ASXL1: variants seen among roughly 807,000 people sequenced by gnomAD.
The protein encoded by ASXL1 is ASXL transcriptional regulator 1.
A neutral mutation model predicts 89.1 loss-of-function variants in ASXL1; 65 were observed. The ratio of observed to expected loss-of-function variants is 0.73; its 90% CI spans 0.60 to 0.90. The LOEUF (loss-of-function observed/expected upper bound fraction) is 0.90, where lower values mean the gene tolerates loss of function less well. ASXL1 is among the 40% of genes least tolerant of loss of function. The probability of loss-of-function intolerance (pLI) is 0.00; values close to 1 mark genes in which losing one functional copy is unlikely to be tolerated. For synonymous variants in ASXL1, 739 were observed against 746.9 expected, an observed-to-expected ratio of 0.99 and a Z score of 0.17; for missense variants, 1,786 against 1,942.9, an observed-to-expected ratio of 0.92 and a Z score of 1.52.
At chr20:32,411,215 CTTTTTTTTTTTTTTTTTT>C (rs71187118) in intron 4 of ASXL1, among the ~76,000 whole-genome samples, 1 of 53,394 alleles carries the variant, frequency 1.9e-5, no homozygotes, top group African/African-American at 7.8e-5. Flanking sequence ...TTTATGGATT[CTTTTTTTTTTTTTTTTTT>C]TTTTTTTTGA....
At chr20:32,425,503 A>G (rs1172546409) in intron 4 of ASXL1, among the ~76,000 whole-genome samples, 1 of 152,154 alleles carries the variant, frequency 6.6e-6, no homozygotes, top group Non-Finnish European at 1.5e-5. Context: ...ATATTGTCAA[A>G]CTTTAATTGT....
chr20:32,424,703 G>A (rs1257412030), intron 4 of ASXL1, among the ~76,000 whole-genome samples: 5 of 152,070 alleles, frequency 3.3e-5, no homozygotes, highest in South Asian at 4.1e-4. Context: ...GTGTATCATC[G>A]TTTCTCTTGT....
chr20:32,430,389 C>T (rs568683302), intron 8 of ASXL1: 1 of 294,656 alleles, frequency 3.4e-6, no homozygotes, highest in East Asian at 5.3e-5. Flanking sequence ...CCCCTTTTCT[C>T]TCTTCGGTAG....
Position 32,410,598 on chromosome 20 carries a change from C to G in ASXL1, c.253-17530C>G, listed in dbSNP as rs116556704. Reference sequence around the variant, plus strand: ...TGTAATTTTTTGGACTGCTGTTGACCACAGGTTATTTAAACTGTGGAAGGT... The same window carrying G: ...TGTAATTTTTTGGACTGCTGTTGACGACAGGTTATTTAAACTGTGGAAGGT... On this transcript the variant is annotated intron_variant, in intron 4 of 12. Coordinates refer to ENST00000375687, the MANE Select transcript of ASXL1 (RefSeq NM_015338.6). Among the ~76,000 whole-genome samples, 1,460 of 152,220 alleles carry G rather than the reference C, an allele frequency of 9.6e-3. 30 individuals carry two copies. The highest frequency in any genetic ancestry group is 0.033 in the African/African-American group (1,375 of 41,512).
At chr20:32,393,038 G>A (rs1220646232) in intron 4 of ASXL1, among the ~76,000 whole-genome samples, 5 of 129,428 alleles carry the variant, frequency 3.9e-5, no homozygotes, top group Admixed American at 2.4e-4. Context: ...TATTCTATCA[G>A]TTATAGACAG....
intron 4 of ASXL1, among the ~76,000 whole-genome samples, chr20:32,405,112 G>A (rs978764928): frequency 6.6e-6 from 1 of 151,972 alleles, no homozygotes; most frequent in Admixed American, 6.6e-5. Context: ...TTAGAGCCCT[G>A]TTGTTCCTTA....
chr20:32,434,261 CTGAA>C, intron 12 of ASXL1, 167 bp from the exon 13 acceptor site: 1 of 879,604 alleles, frequency 1.1e-6, no homozygotes, highest in African/African-American at 1.7e-5. Flanking sequence ...AGAATCTTCT[CTGAA>C]TGGTGTGTTA....
intron 4 of ASXL1, among the ~76,000 whole-genome samples, chr20:32,406,697 T>A (rs2048962026): frequency 6.6e-6 from 1 of 152,078 alleles, no homozygotes; most frequent in Non-Finnish European, 1.5e-5. Context: ...CATGGATGAG[T>A]TCACTCAAGC....
At chr20:32,385,860 C>A (rs1025352421) in intron 4 of ASXL1, among the ~76,000 whole-genome samples, 3 of 152,094 alleles carry the variant, frequency 2.0e-5, no homozygotes, top group South Asian at 2.1e-4. Flanking sequence ...CAGAAAAATC[C>A]AAACCTTGTT....
intron 4 of ASXL1, among the ~76,000 whole-genome samples, chr20:32,393,962 C>G (rs560041207): frequency 1.5e-3 from 220 of 149,638 alleles, no homozygotes; most frequent in African/African-American, 5.4e-3. Context: ...TCCCAAGTAG[C>G]TGGGATTACA....
rs1453292783 is a variant in ASXL1, at chr20:32,391,899, C to T, written c.252+22776C>T. Among the ~76,000 whole-genome samples the T allele has an allele frequency of 4.6e-5, 7 of 151,866 alleles. No individual in the cohort carries two copies. In the East Asian group the frequency reaches 1.3e-3, roughly 29 times the overall value. ...AGTTCTTTTCAGTGCTTAGTTTTTGCATGGTATATTTTTTCCATCCTTTTG... is the reference window on the plus strand; with the variant it reads ...AGTTCTTTTCAGTGCTTAGTTTTTGTATGGTATATTTTTTCCATCCTTTTG... On this transcript the variant is annotated intron_variant, in intron 4 of 12. Coordinates refer to ENST00000375687, the MANE Select transcript of ASXL1 (RefSeq NM_015338.6).
intron 1 of ASXL1, among the ~76,000 whole-genome samples, chr20:32,363,353 G>C (rs2048153632): frequency 6.6e-6 from 1 of 152,170 alleles, no homozygotes; most frequent in Admixed American, 6.5e-5. Context: ...TTAGTAGCTT[G>C]TTCCAGGGTT....
In ASXL1 at chr20:32,381,259, C is replaced by T. The variant is rs1243729271; in HGVS notation, c.252+12136C>T. On this transcript the variant is annotated intron_variant, in intron 4 of 12. Transcript: ENST00000375687. ...TTCCCTCTGTTATTTAGGCTGAGTG[C>T]AGTGGTGCCATCACGGCTCACTGCA... is the stretch of plus-strand genomic sequence containing the variant. 3.3e-5 allele frequency among the ~76,000 whole-genome samples: 5 copies of T among 152,182 alleles called. No homozygotes were observed. The East Asian group carries it at 7.7e-4, about 23-fold the overall frequency.
chr20:32,409,840 C>G (rs957066931), intron 4 of ASXL1, among the ~76,000 whole-genome samples: 3 of 152,128 alleles, frequency 2.0e-5, no homozygotes, highest in African/African-American at 7.2e-5. Flanking sequence ...GGATCTCATC[C>G]TTGATCACAT....
intron 4 of ASXL1, among the ~76,000 whole-genome samples, chr20:32,375,384 G>A (rs2048360028): frequency 6.6e-6 from 1 of 151,820 alleles, no homozygotes; most frequent in African/African-American, 2.4e-5. Flanking sequence ...AGGAGGCAGA[G>A]GCTGCAGTGA....
chr20:32,411,825 A>T (rs768463409), intron 4 of ASXL1, among the ~76,000 whole-genome samples: 2 of 152,226 alleles, frequency 1.3e-5, no homozygotes, highest in African/African-American at 2.4e-5. Flanking sequence ...GGCATGAGCC[A>T]TTATGCCCAG....
At chr20:32,400,292 T>G (rs1312055521) in intron 4 of ASXL1, among the ~76,000 whole-genome samples, 2 of 152,186 alleles carry the variant, frequency 1.3e-5, no homozygotes, top group Admixed American at 6.5e-5. Flanking sequence ...ATTTCAGACA[T>G]AGAGAGTTTT....
intron 4 of ASXL1, among the ~76,000 whole-genome samples, chr20:32,404,443 C>T (rs2048922399): frequency 6.6e-6 from 1 of 151,910 alleles, no homozygotes; most frequent in African/African-American, 2.4e-5. Flanking sequence ...TTTCTAATTG[C>T]TGATTGCTAA....
chr20:32,393,996 ATTTTTTT>A, intron 4 of ASXL1, among the ~76,000 whole-genome samples: 1 of 100,962 alleles, frequency 9.9e-6, no homozygotes, highest in South Asian at 3.5e-4. Flanking sequence ...ACACCTGGCT[ATTTTTTT>A]TTTTTTTTTT....
Sources: allele counts gnomAD v4.1 joint callset (sites outside exome capture counted in the v4.1 genomes callset), GRCh38; gene constraint gnomAD v4.1.1; transcripts MANE v1.5; gene names NCBI Gene and HGNC (gene_info 2026-07-23, HGNC 2026-07-21).